Variants in CDH13 observed in about 807,000 individuals in gnomAD.
CDH13 encodes the protein cadherin 13, also known as cadherin-13.
Under a neutral mutation model 63.8 loss-of-function variants are expected in CDH13, and 24 were observed. The observed-to-expected ratio is 0.38, with a 90% CI of 0.27 to 0.53. CDH13 has a LOEUF of 0.53. CDH13 is among the 20% of genes least tolerant of loss of function. CDH13 has a pLI of 0.85. For missense variants in CDH13, 1,049 were observed against 903.1 expected, an observed-to-expected ratio of 1.16 and a Z score of -2.07; for synonymous variants, 503 against 355.3, an observed-to-expected ratio of 1.42 and a Z score of -4.67.
intron 2 of CDH13, among the ~76,000 whole-genome samples, chr16:82,926,493 T>G (rs1222315156): frequency 6.6e-6 from 1 of 152,226 alleles, no homozygotes; most frequent in Admixed American, 6.5e-5. Flanking sequence ...CATGACATTC[T>G]TAGTAATGAT....
At chr16:83,694,135 C>G (rs1429554055) in intron 10 of CDH13, among the ~76,000 whole-genome samples, 1 of 152,124 alleles carries the variant, frequency 6.6e-6, no homozygotes, top group African/African-American at 2.4e-5. Flanking sequence ...AGAAGACAGA[C>G]TGGAAAAAAT....
intron 10 of CDH13, among the ~76,000 whole-genome samples, chr16:83,690,153 A>T (rs1904706149): frequency 6.6e-6 from 1 of 152,230 alleles, no homozygotes; most frequent in South Asian, 2.1e-4. Context: ...AGCCTAGGCA[A>T]CAAGAGCAAA....
At chr16:82,939,948 G>A (rs1275755553) in intron 2 of CDH13, among the ~76,000 whole-genome samples, 1 of 152,178 alleles carries the variant, frequency 6.6e-6, no homozygotes, top group Non-Finnish European at 1.5e-5. Flanking sequence ...CACAATCATG[G>A]TGGAAGGTGA....
intron 7 of CDH13, among the ~76,000 whole-genome samples, chr16:83,539,354 C>G (rs1173006236): frequency 6.6e-6 from 1 of 152,122 alleles, no homozygotes; most frequent in Non-Finnish European, 1.5e-5. Flanking sequence ...AGGCGGAGCT[C>G]AGGTGGTCAT....
chr16:82,871,038 T>A (rs1442964272), intron 2 of CDH13, among the ~76,000 whole-genome samples: 1 of 152,230 alleles, frequency 6.6e-6, no homozygotes, highest in Non-Finnish European at 1.5e-5. Flanking sequence ...AGTCAAATGA[T>A]GTTCCATAGA....
At chr16:83,236,700 TA>T (rs1225291662) in intron 5 of CDH13, among the ~76,000 whole-genome samples, 1 of 152,046 alleles carries the variant, frequency 6.6e-6, no homozygotes, top group Non-Finnish European at 1.5e-5. Flanking sequence ...GGGAGTCCAG[TA>T]ATTCATGAAT....
At chr16:82,973,142 C>T (rs1909009433) in intron 2 of CDH13, among the ~76,000 whole-genome samples, 1 of 152,194 alleles carries the variant, frequency 6.6e-6, no homozygotes, top group Non-Finnish European at 1.5e-5. Flanking sequence ...TGCTGTCTTA[C>T]AATCTCTTTC....
At chr16:82,663,949 C>G (rs1026855788) in intron 1 of CDH13, among the ~76,000 whole-genome samples, 9 of 152,214 alleles carry the variant, frequency 5.9e-5, no homozygotes, top group African/African-American at 2.2e-4. Flanking sequence ...ACAGGCATTC[C>G]ACTCTGAGGT....
chr16:82,836,753 C>G (rs1467032347), intron 1 of CDH13, among the ~76,000 whole-genome samples: 1 of 152,160 alleles, frequency 6.6e-6, no homozygotes, highest in East Asian at 1.9e-4. Flanking sequence ...AGGCTCTACC[C>G]CAACTCATAC....
chr16:82,707,854 A>G (rs1392853277), intron 1 of CDH13, among the ~76,000 whole-genome samples: 3 of 152,192 alleles, frequency 2.0e-5, no homozygotes. Flanking sequence ...AGTAAAATTT[A>G]CCCAAAGAAA....
At chr16:82,816,546 G>T (rs1322797253) in intron 1 of CDH13, among the ~76,000 whole-genome samples, 2 of 152,038 alleles carry the variant, frequency 1.3e-5, no homozygotes, top group Non-Finnish European at 2.9e-5. Context: ...TTTGAGCTAA[G>T]TCTTGAAAGA....
intron 6 of CDH13, among the ~76,000 whole-genome samples, chr16:83,359,001 G>A (rs955440709): frequency 1.3e-5 from 2 of 152,128 alleles, no homozygotes; most frequent in Non-Finnish European, 2.9e-5. Flanking sequence ...TTATGTCAGT[G>A]TGCTGGCTTC....
intron 1 of CDH13, among the ~76,000 whole-genome samples, chr16:82,685,930 T>C (rs567772743): frequency 2.0e-5 from 3 of 152,322 alleles, no homozygotes; most frequent in African/African-American, 7.2e-5. Flanking sequence ...CACCCACATA[T>C]CATGGTTCCT....
chr16:82,886,338 G>A (rs370575931), intron 2 of CDH13, among the ~76,000 whole-genome samples: 1 of 152,302 alleles, frequency 6.6e-6, no homozygotes, highest in Non-Finnish European at 1.5e-5. Context: ...AGTGCCTGGT[G>A]TTTGCATTTC....
intron 10 of CDH13, chr16:83,728,733 G>T (rs1910715275): frequency 6.6e-6 from 1 of 152,214 alleles, no homozygotes; most frequent in Non-Finnish European, 1.5e-5. Context: ...TGAAATTGCT[G>T]ATGTGACGGG....
At chr16:83,692,565 C>A (rs1022366941) in intron 10 of CDH13, among the ~76,000 whole-genome samples, 6 of 152,188 alleles carry the variant, frequency 3.9e-5, no homozygotes, top group African/African-American at 1.4e-4. Flanking sequence ...CCTGTGATTG[C>A]CTTAAGGAGA....
chr16:83,028,605 A>G (rs1364770281), intron 2 of CDH13, among the ~76,000 whole-genome samples: 1 of 152,212 alleles, frequency 6.6e-6, no homozygotes, highest in Non-Finnish European at 1.5e-5. Context: ...AACCCTATAT[A>G]TGCTAATTTG....
chr16:82,792,018 C>G lies in CDH13; in HGVS notation c.46-66344C>G, dbSNP rs558243937. On this transcript the variant is annotated intron_variant, in intron 1 of 13. Coordinates refer to ENST00000567109, the MANE Select transcript of CDH13 (RefSeq NM_001257.5). The stretch of plus-strand genomic sequence containing the variant: ...TCAAGATGAGATTTGGGTGGGGACA[C>G]AAAGGCTTTCATGGTTTTTGGCACC... 7.9e-5 allele frequency among the ~76,000 whole-genome samples: 12 copies of G among 152,274 alleles called. No individual in the cohort carries two copies. The South Asian group carries it at 2.1e-3, about 26-fold the overall frequency.
intron 2 of CDH13, among the ~76,000 whole-genome samples, chr16:82,901,958 C>G (rs2041485913): frequency 6.6e-6 from 1 of 152,194 alleles, no homozygotes; most frequent in Non-Finnish European, 1.5e-5. Context: ...GTGTTAGCAA[C>G]CTCACTTTCT....
Sources: gnomAD v4.1 joint callset for allele counts (sites outside exome capture counted in the v4.1 genomes callset) on GRCh38, gnomAD v4.1.1 for gene constraint, MANE v1.5 for transcripts, NCBI Gene and HGNC (gene_info 2026-07-23, HGNC 2026-07-21) for gene names.